The following NDUFV1 variants were observed in gnomAD, a reference collection of about 807,000 sequenced individuals.
The protein encoded by NDUFV1 is NADH dehydrogenase [ubiquinone] flavoprotein 1, mitochondrial.
In NDUFV1, 41 loss-of-function variants were observed where a neutral mutation model predicts 48.7. The observed-to-expected ratio is 0.84, with a 90% CI of 0.66 to 1.09. NDUFV1 has a LOEUF of 1.09. Ranked by LOEUF, NDUFV1 falls within the 50% of genes least tolerant of loss-of-function variation. The pLI is 0.00. For synonymous variants in NDUFV1, 231 were observed against 259.1 expected, an observed-to-expected ratio of 0.89 and a Z score of 1.04; for missense variants, 580 against 645.4, an observed-to-expected ratio of 0.90 and a Z score of 1.10.
chr11:67,608,646 G>A lies in NDUFV1; in HGVS notation c.250G>A (p.Gly84Ser), dbSNP rs758763260. The change falls in exon 3 of 10, where the codon GGT becomes AGT. Residue 84 changes from glycine (G) to serine (S), a missense_variant. Transcript: ENST00000322776. ...DWILGEIKTS[G>S]LRGRGGAGFP... ...GATCCTGGGCGAGATCAAGACATCG[G>A]GTTTGAGGGGCCGTGGAGGCGCTGG... The A allele has an allele frequency of 1.9e-6, 3 of 1,614,194 alleles. No individual in the cohort carries two copies. In the East Asian group the frequency reaches 6.7e-5, roughly 36 times the overall value.
chr11:67,607,676 G>C lies in NDUFV1; in HGVS notation c.72+600G>C, dbSNP rs1038829276. 28 of 355,088 alleles carry C rather than the reference G, an allele frequency of 7.9e-5. 1 individual carries two copies. Among genetic ancestry groups the C allele is most frequent in the South Asian group, 5.8e-4 (28 of 48,224 alleles). The allele number at this position is 355,088 out of a possible 1,614,324, so 22.0% of individuals were successfully genotyped here. A position where few individuals can be genotyped will look rare whatever the true frequency, so the allele number is the denominator to read the frequency against. On this transcript the variant is annotated intron_variant, in intron 1 of 9. Transcript: ENST00000322776. Reference sequence around the variant, plus strand: ...TTTGGTCCAGCAGGGGAGCCAGGCCGGGAAAGGGCCAAGCTGCCACACTCG... The same window carrying C: ...TTTGGTCCAGCAGGGGAGCCAGGCCCGGAAAGGGCCAAGCTGCCACACTCG...
chr11:67,609,688 C>T, intron 4 of NDUFV1, 53 bp downstream of exon 4: 1 of 1,571,500 alleles, frequency 6.4e-7, no homozygotes, highest in Non-Finnish European at 8.7e-7. Flanking sequence ...TGCACTCACA[C>T]ACCCCTCACC....
At chr11:67,607,521 G>T (rs755773469) in intron 1 of NDUFV1, 26 of 460,758 alleles carry the variant, frequency 5.6e-5, no homozygotes, top group South Asian at 4.0e-4. Context: ...GGGTCGTGGG[G>T]CTCCTCATTT....
intron 4 of NDUFV1, 115 bp from the exon 5 acceptor site, chr11:67,610,266 C>G: frequency 8.0e-7 from 1 of 1,242,366 alleles, no homozygotes; most frequent in Non-Finnish European, 1.2e-6. Context: ...TTTTTTATAC[C>G]AGGAGCATTA....
chr11:67,607,235 A>G (rs1300119144), intron 1 of NDUFV1, 159 bp downstream of exon 1: 1 of 821,676 alleles, frequency 1.2e-6, no homozygotes, highest in East Asian at 2.7e-5. Flanking sequence ...AAGTAGGGGA[A>G]CGGGTCCCAA....
intron 5 of NDUFV1, 95 bp downstream of exon 5, chr11:67,610,665 G>A: frequency 1.3e-6 from 2 of 1,509,058 alleles, no homozygotes; most frequent in Non-Finnish European, 9.0e-7. Flanking sequence ...TTTCTGAGTG[G>A]CTTCCCGGCT....
At chr11:67,607,412 C>T (rs1022316687) in intron 1 of NDUFV1, 1 of 532,446 alleles carries the variant, frequency 1.9e-6, no homozygotes, top group Non-Finnish European at 3.6e-6. Flanking sequence ...GGATGCGCAC[C>T]TCCTGATTTC....
chr11:67,607,270 C>T (rs1272350641), intron 1 of NDUFV1, 194 bp downstream of exon 1: 2 of 725,474 alleles, frequency 2.8e-6, no homozygotes, highest in East Asian at 5.4e-5. Flanking sequence ...CCTTGACCCT[C>T]TGACTTGCTG....
rs762384715 is a variant in NDUFV1 at position 67,610,583 on chromosome 11, G to A, written c.700+13G>A. 1.1e-5 allele frequency: 17 copies of A among 1,613,174 alleles called. No homozygotes were observed. The highest frequency in any genetic ancestry group is 1.7e-4 in the Middle Eastern group (1 of 5,768). On this transcript the variant is annotated intron_variant, in intron 5 of 9. Transcript: ENST00000322776. ...CCCGCAGACGTGGGTAAGGCCTGGCGTAACCCTGGGTCAGACTGTGTCCTG... is the reference window on the plus strand; with the variant it reads ...CCCGCAGACGTGGGTAAGGCCTGGCATAACCCTGGGTCAGACTGTGTCCTG...
rs201414938 is a variant in NDUFV1 at position 67,608,725 on chromosome 11, G to C, written c.326+3G>C. 1 of 1,613,702 alleles carries C rather than the reference G, an allele frequency of 6.2e-7. No individual in the cohort carries two copies. On this transcript the variant is annotated splice_donor_region_variant and intron_variant, in intron 3 of 9. Transcript: ENST00000322776. The stretch of plus-strand genomic sequence containing the variant: ...ATGAATAAGCCCTCAGATGGCAGGT[G>C]TGTGTGTGGGGGCGGGGCAGATGTG...
At position 67,612,000 on chromosome 11, in the gene NDUFV1, G is replaced by A; in HGVS notation, c.1162+22G>A. The A allele has an allele frequency of 6.2e-7, 1 of 1,613,752 alleles. No individual in the cohort carries two copies. Among genetic ancestry groups the A allele is most frequent in the South Asian group, 1.1e-5 (1 of 91,066 alleles). On this transcript the variant is annotated intron_variant, in intron 8 of 9. Coordinates refer to ENST00000322776, the MANE Select transcript of NDUFV1 (RefSeq NM_007103.4). This position sits in a 1 kb window ranked among gnomAD's most constrained non-coding sequence, Gnocchi z 4.2. The stretch of plus-strand genomic sequence containing the variant: ...GAGGGTGAGCATCGGGCAGGTTGGG[G>A]GCTTGCTTGCTGTGGCTTCATTTAA...
Position 67,610,481 on chromosome 11 carries a change from A to G in NDUFV1, c.611A>G (p.Tyr204Cys), listed in dbSNP as rs1424452972. The change falls in exon 5 of 10, where the codon TAC becomes TGC. Residue 204 changes from tyrosine (Y) to cysteine (C), a missense_variant. Tyr to Cys is a radical substitution (Grantham distance 194, BLOSUM62 -2). Transcript: ENST00000322776. ...DVFVVRGAGA[Y>C]ICGEETALIE... is the part of the protein sequence containing the mutation. ...TTTGTGGTGCGCGGGGCTGGGGCCT[A>G]CATCTGTGGAGAGGAGACAGCGCTC... 6.2e-7 allele frequency: 1 copy of G among 1,614,126 alleles called. No homozygotes were observed. The highest frequency in any genetic ancestry group is 8.5e-7 in the Non-Finnish European group (1 of 1,180,014).
rs1383261299 is a variant in NDUFV1, at chr11:67,612,073, C to T, written c.1163-47C>T. On this transcript the variant is annotated intron_variant, in intron 8 of 9. Coordinates refer to ENST00000322776, the MANE Select transcript of NDUFV1 (RefSeq NM_007103.4). The surrounding 1 kb of genome is among the most constrained non-coding windows in gnomAD (Gnocchi z 4.4). ...GCAGCCCTCAAGCGCCGCCCCACAT[C>T]CTGGCTGGGGAGATCATCAGGCCCT... 3 of 1,613,570 alleles carry T rather than the reference C, an allele frequency of 1.9e-6. No individual in the cohort carries two copies. In the African/African-American group the frequency reaches 4.0e-5, roughly 22 times the overall value.
rs1854854718 is a variant in NDUFV1 at position 67,608,621 on chromosome 11, G to C, written c.225G>C (p.Trp75Cys). ...TKEILLKGPD[W>C]ILGEIKTSGL... ...AGATCCTGCTGAAGGGGCCCGACTG[G>C]ATCCTGGGCGAGATCAAGACATCGG... is the stretch of plus-strand genomic sequence containing the variant. The change falls in exon 3 of 10, where the codon TGG becomes TGC. Residue 75 changes from tryptophan (W) to cysteine (C), a missense_variant. Coordinates refer to ENST00000322776, the MANE Select transcript of NDUFV1 (RefSeq NM_007103.4). 1.9e-6 allele frequency: 3 copies of C among 1,614,074 alleles called. No homozygotes were observed. Among genetic ancestry groups the C allele is most frequent in the African/African-American group, 1.3e-5 (1 of 74,914 alleles).
Position 67,610,464 on chromosome 11 carries a change from G to T in NDUFV1, c.594G>T (p.Val198=). Residue 198 remains valine, a synonymous_variant, in exon 5 of 10, where the codon GTG becomes GTT. Coordinates refer to ENST00000322776, the MANE Select transcript of NDUFV1 (RefSeq NM_007103.4). ...GSGYDFDVFV[V]RGAGAYICGE... is the part of the protein sequence containing the mutation. ...GCTATGATTTTGACGTGTTTGTGGT[G>T]CGCGGGGCTGGGGCCTACATCTGTG... 3.1e-6 allele frequency: 5 copies of T among 1,614,204 alleles called. No individual in the cohort carries two copies. The highest frequency in any genetic ancestry group is 4.2e-6 in the Non-Finnish European group (5 of 1,180,040).
At chr11:67,607,674 C>T (rs1008560385) in intron 1 of NDUFV1, 2 of 354,710 alleles carry the variant, frequency 5.6e-6, no homozygotes, top group Non-Finnish European at 1.1e-5. Flanking sequence ...GGGAGCCAGG[C>T]CGGGAAAGGG....
Position 67,611,748 on chromosome 11 carries a change from C to CT in NDUFV1, c.1081-149_1081-148insT, listed in dbSNP as rs1854920472. The CT allele has an allele frequency of 1.5e-6, 2 of 1,374,542 alleles. No individual in the cohort carries two copies. Among genetic ancestry groups the CT allele is most frequent in the Non-Finnish European group, 2.0e-6 (2 of 991,264 alleles). The allele number at this position is 1,374,542 out of a possible 1,614,324, so 85.1% of individuals were successfully genotyped here. On this transcript the variant is annotated intron_variant, in intron 7 of 9. Coordinates refer to ENST00000322776, the MANE Select transcript of NDUFV1 (RefSeq NM_007103.4). The surrounding 1 kb of genome is among the most constrained non-coding windows in gnomAD (Gnocchi z 4.2). ...GGAGAATACCCCGGAGTCTGGGCAG[C>CT]ACAGGGGGCCCAGGGAGGCTGGAGG... is the stretch of plus-strand genomic sequence containing the variant.
rs768002859 is a variant in NDUFV1 at position 67,610,519 on chromosome 11, G to GAGGGCAAGC, written c.659_667dup (p.Gln220_Lys222dup). ...GGAGACAGCGCTCATCGAGTCCATT[G>GAGGGCAAGC]AGGGCAAGCAGGGCAAGCCCCGCCT... is the stretch of plus-strand genomic sequence containing the variant. On this transcript the variant is annotated inframe_insertion, in exon 5 of 10. Coordinates refer to ENST00000322776, the MANE Select transcript of NDUFV1 (RefSeq NM_007103.4). The GAGGGCAAGC allele has an allele frequency of 1.9e-6, 3 of 1,614,214 alleles. No individual in the cohort carries two copies. Among genetic ancestry groups the GAGGGCAAGC allele is most frequent in the Admixed American group, 1.7e-5 (1 of 60,026 alleles).
chr11:67,611,488 G>T lies in NDUFV1; in HGVS notation c.999G>T (p.Glu333Asp). ...CACTGATCCCCAAGTCTGTGTGTGA[G>T]ACGGTGCTGATGGACTTCGATGCGC... Reference protein sequence around the residue: ...STPLIPKSVCETVLMDFDALV... With the variant: ...STPLIPKSVCDTVLMDFDALV... The change falls in exon 7 of 10, where the codon GAG (glutamate) becomes GAT (aspartate). Residue 333 changes from glutamate to aspartate, a missense_variant. Physicochemically the swap from Glu to Asp is conservative, Grantham distance 45. Transcript: ENST00000322776. This position sits in a 1 kb window ranked among gnomAD's most constrained non-coding sequence, Gnocchi z 4.2. The T allele has an allele frequency of 6.2e-7, 1 of 1,614,064 alleles. No homozygotes were observed.
Sources: allele counts gnomAD v4.1 joint callset, GRCh38; gene constraint gnomAD v4.1.1; non-coding constraint Gnocchi (gnomAD v3.1); transcripts MANE v1.5; gene names NCBI Gene and HGNC (gene_info 2026-07-23, HGNC 2026-07-21).